Variants in USP15 observed in about 807,000 individuals in gnomAD.
USP15 encodes ubiquitin specific peptidase 15.
Under a neutral mutation model 127.1 loss-of-function variants are expected in USP15, and 18 were observed. The ratio of observed to expected loss-of-function variants is 0.14; its 90% CI spans 0.10 to 0.21. The LOEUF (loss-of-function observed/expected upper bound fraction) is 0.21, where lower values mean the gene tolerates loss of function less well. USP15 is among the 10% of genes least tolerant of loss of function. The pLI, the probability that USP15 is intolerant of heterozygous loss-of-function variation, is 1.00. For synonymous variants in USP15, 364 were observed against 393.7 expected, an observed-to-expected ratio of 0.92 and a Z score of 0.89; for missense variants, 805 against 1,159.9, an observed-to-expected ratio of 0.69 and a Z score of 4.44.
At position 62,412,981 on chromosome 12, in the gene USP15, T is replaced by C. The variant is rs901321258; in HGVS notation, c.*8606T>C. The stretch of plus-strand genomic sequence containing the variant: ...ACTATCTATGAAAGCTTTTGCCTTA[T>C]AAAATGTATTTCTTGGATGATAAGA... On this transcript the variant is annotated 3_prime_UTR_variant, in exon 22 of 22. Transcript: ENST00000280377. 2.6e-5 allele frequency: 4 copies of C among 152,212 alleles called. No individual in the cohort carries two copies. The highest frequency in any genetic ancestry group is 2.1e-4 in the South Asian group (1 of 4,834). 9.4% of individuals were successfully genotyped at this position (152,212 alleles called of 1,614,324 possible).
rs1227569651 is a variant in USP15 at position 62,391,436 on chromosome 12, AT to A, written c.2233+10del. 3.1e-6 allele frequency: 5 copies of A among 1,591,240 alleles called. No individual in the cohort carries two copies. The African/African-American group carries it at 6.8e-5, about 22-fold the overall frequency. ...AGGCAGCTTAGGCTAGATGGTAAGT[AT>A]TTGTGAAAAATGGCTTGAACATTAA... On this transcript the variant is annotated splice_region_variant and intron_variant, in intron 16 of 21. Transcript: ENST00000280377.
chr12:62,315,989 A>G (rs925797560), intron 4 of USP15, among the ~76,000 whole-genome samples: 2 of 152,136 alleles, frequency 1.3e-5, no homozygotes, highest in Non-Finnish European at 2.9e-5. Context: ...TTAAGTTTCA[A>G]TAAGCTGATA....
chr12:62,391,382 A>C lies in USP15; in HGVS notation c.2186A>C (p.Asp729Ala). ...LGNTDINYIK[D>A]DTRHIRFDDR... ...AATACTGATATCAACTACATCAAAG[A>C]TGATACCAGGCATATAAGATTTGAT... Residue 729 changes from aspartate (D) to alanine (A), a missense_variant, in exon 16 of 22, where the codon GAT becomes GCT. Around this residue, in one of 11 missense-constraint regions of USP15, gnomAD observed 225 missense variants for 239.5 expected, o/e 0.94. Coordinates refer to ENST00000280377, the MANE Select transcript of USP15 (RefSeq NM_001252078.2). 6.2e-7 allele frequency: 1 copy of C among 1,612,900 alleles called. No homozygotes were observed.
In USP15 at chr12:62,348,988, C is replaced by T. The variant is rs146355902; in HGVS notation, c.684-233C>T. ...TAGATTTATAGGAATAATAGCAAGT[C>T]GCATATTTAATTTGATAAATTTTAT... On this transcript the variant is annotated intron_variant, in intron 6 of 21. Coordinates refer to ENST00000280377, the MANE Select transcript of USP15 (RefSeq NM_001252078.2). Among the ~76,000 whole-genome samples, 7 of 152,028 alleles carry T rather than the reference C, an allele frequency of 4.6e-5. No individual in the cohort carries two copies. In the East Asian group the frequency reaches 1.4e-3, roughly 29 times the overall value.
At chr12:62,304,109 A>G (rs2064405034) in intron 3 of USP15, among the ~76,000 whole-genome samples, 1 of 152,154 alleles carries the variant, frequency 6.6e-6, no homozygotes, top group Non-Finnish European at 1.5e-5. Flanking sequence ...TTATAAATGT[A>G]GCACATTATA....
In USP15 at chr12:62,338,970, C is replaced by G. The variant is rs574803839; in HGVS notation, c.684-10251C>G. 7.0e-4 allele frequency among the ~76,000 whole-genome samples: 106 copies of G among 152,220 alleles called. 1 individual carries two copies. Among genetic ancestry groups the G allele is most frequent in the African/African-American group, 2.4e-3 (101 of 41,536 alleles). On this transcript the variant is annotated intron_variant, in intron 6 of 21. Transcript: ENST00000280377. ...CTATACAGGCTCATTTTTTGTTTCA[C>G]ATGAAATTTAAAGTAGTTTTTTCTA...
rs1285414414 is a variant in USP15, at chr12:62,391,325, G to A, written c.2129G>A (p.Arg710Gln). Reference protein sequence around the residue: ...CKGQLTGHKKRLFTFQFNNLG... With the variant: ...CKGQLTGHKKQLFTFQFNNLG... Reference sequence around the variant, plus strand: ...GGTCAACTCACGGGACACAAAAAACGATTGTTTACATTCCAGTTCAACAAC... The same window carrying A: ...GGTCAACTCACGGGACACAAAAAACAATTGTTTACATTCCAGTTCAACAAC... Residue 710 changes from arginine to glutamine, a missense_variant, in exon 16 of 22, where the codon CGA becomes CAA. By Grantham distance (43) the Arg-to-Gln change is conservative (BLOSUM62 1). Coordinates refer to ENST00000280377, the MANE Select transcript of USP15 (RefSeq NM_001252078.2). 3.1e-6 allele frequency: 5 copies of A among 1,613,392 alleles called. No homozygotes were observed. The highest frequency in any genetic ancestry group is 4.2e-6 in the Non-Finnish European group (5 of 1,179,654).
chr12:62,394,111 T>C (rs899397035), intron 19 of USP15, among the ~76,000 whole-genome samples: 6 of 152,238 alleles, frequency 3.9e-5, no homozygotes, highest in African/African-American at 2.4e-5. Context: ...CTTCACACTT[T>C]ATCTCTCTTT....
rs141331168 is a variant in USP15, at chr12:62,369,110, T to C, written c.916-12380T>C. Among the ~76,000 whole-genome samples, 496 of 152,302 alleles carry C rather than the reference T, an allele frequency of 3.3e-3. 1 individual carries two copies. Among genetic ancestry groups the C allele is most frequent in the African/African-American group, 9.9e-3 (410 of 41,562 alleles). ...ATGTTTAGTGAATGAGGTAGACATATAAATAAGATATAATATGTTATATAA... is the reference window on the plus strand; with the variant it reads ...ATGTTTAGTGAATGAGGTAGACATACAAATAAGATATAATATGTTATATAA... On this transcript the variant is annotated intron_variant, in intron 8 of 21. Coordinates refer to ENST00000280377, the MANE Select transcript of USP15 (RefSeq NM_001252078.2).
In USP15 at chr12:62,412,137, A is replaced by C. The variant is rs997032935; in HGVS notation, c.*7762A>C. ...TTTTTGGTTTCCCAGTGCATATAAA[A>C]GGCATATTTACCCTATACTGTAGTC... On this transcript the variant is annotated 3_prime_UTR_variant, in exon 22 of 22. Coordinates refer to ENST00000280377, the MANE Select transcript of USP15 (RefSeq NM_001252078.2). The C allele has an allele frequency of 3.9e-5, 6 of 152,230 alleles. No individual in the cohort carries two copies. Among genetic ancestry groups the C allele is most frequent in the African/African-American group, 1.4e-4 (6 of 41,456 alleles). 9.4% of individuals were successfully genotyped at this position (152,230 alleles called of 1,614,324 possible). A position where few individuals can be genotyped will look rare whatever the true frequency, so the allele number is the denominator to read the frequency against.
Position 62,384,238 on chromosome 12 carries a change from T to C in USP15, c.1409T>C (p.Met470Thr), listed in dbSNP as rs528693287. ...TGTTACTTGACACTTCCATTGCCCA[T>C]GAAAAAAGAACGCACCTTGGAAGTT... ...PFCYLTLPLP[M>T]KKERTLEVYL... The change falls in exon 11 of 22, where the codon ATG becomes ACG. Residue 470 changes from methionine (M) to threonine (T), a missense_variant. Physicochemically the swap from Met to Thr is moderately conservative, Grantham distance 81. Coordinates refer to ENST00000280377, the MANE Select transcript of USP15 (RefSeq NM_001252078.2). 1 of 1,612,352 alleles carries C rather than the reference T, an allele frequency of 6.2e-7. No individual in the cohort carries two copies. Among genetic ancestry groups the C allele is most frequent in the African/African-American group, 1.3e-5 (1 of 74,844 alleles).
chr12:62,260,555 T>C, intron 1 of USP15, 52 bp downstream of exon 1: 6 of 1,502,866 alleles, frequency 4.0e-6, no homozygotes, highest in South Asian at 1.2e-5. Context: ...AGTGGAGAAG[T>C]GGGCGGGAGC....
chr12:62,355,825 C>CT (rs201572809), intron 8 of USP15, among the ~76,000 whole-genome samples: 47,964 of 124,232 alleles, frequency 0.39, 8,754 homozygotes, highest in East Asian at 0.52. Context: ...CTTTTTTTTT[C>CT]TTTTTTTTTT....
chr12:62,355,517 A>G (rs2066094938), intron 8 of USP15, 42 bp downstream of exon 8: 2 of 1,539,110 alleles, frequency 1.3e-6, no homozygotes, highest in Non-Finnish European at 1.7e-6. Flanking sequence ...TTTCATGGAA[A>G]TCTGTAATAC....
intron 1 of USP15, among the ~76,000 whole-genome samples, 172 bp from the exon 2 acceptor site, chr12:62,294,007 T>G (rs1354228911): frequency 6.6e-6 from 1 of 152,216 alleles, no homozygotes; most frequent in Non-Finnish European, 1.5e-5. Context: ...GGAATAATAC[T>G]TTATACAAAT....
chr12:62,262,642 T>G (rs2063100735), intron 1 of USP15, among the ~76,000 whole-genome samples: 1 of 152,296 alleles, frequency 6.6e-6, no homozygotes, highest in Admixed American at 6.5e-5. Flanking sequence ...AAAATTAATG[T>G]AAATTGTTTT....
intron 5 of USP15, among the ~76,000 whole-genome samples, chr12:62,322,358 G>A (rs891533067): frequency 1.7e-4 from 26 of 151,970 alleles, no homozygotes; most frequent in African/African-American, 5.6e-4. Flanking sequence ...GAATGGTCTC[G>A]ATCTCTTGAC....
intron 8 of USP15, among the ~76,000 whole-genome samples, chr12:62,367,627 T>A (rs951354130): frequency 1.3e-5 from 2 of 152,196 alleles, no homozygotes; most frequent in African/African-American, 4.8e-5. Context: ...TGATGGTAGT[T>A]TTTATTTCTG....
In USP15 at chr12:62,349,270, T is replaced by C. The variant is rs1415184932; in HGVS notation, c.733T>C (p.Ser245Pro). 13 of 1,506,924 alleles carry C rather than the reference T, an allele frequency of 8.6e-6. No individual in the cohort carries two copies. The highest frequency in any genetic ancestry group is 1.1e-5 in the Non-Finnish European group (12 of 1,131,936). 93.3% of individuals were successfully genotyped at this position (1,506,924 alleles called of 1,614,324 possible). Residue 245 changes from serine to proline, a missense_variant, in exon 7 of 22, where the codon TCT (serine) becomes CCT (proline). Physicochemically the swap from Ser to Pro is moderately conservative, Grantham distance 74. Transcript: ENST00000280377. ...AACTTTACCAAAGATCTCTCCTTCA[T>C]CTCTATCAAATAATTATAACAACAT... ...FSTLPKISPSSLSNNYNNMNN... is the reference protein window; with the variant it reads ...FSTLPKISPSPLSNNYNNMNN...
Sources: gnomAD v4.1 joint callset for allele counts (sites outside exome capture counted in the v4.1 genomes callset) on GRCh38, gnomAD v4.1.1 for gene constraint, gnomAD v4.1.1 regional missense constraint, MANE v1.5 for transcripts, NCBI Gene and HGNC (gene_info 2026-07-23, HGNC 2026-07-21) for gene names.